The following FOXP2 variants were observed in gnomAD, a reference collection of about 807,000 sequenced individuals.
The protein encoded by FOXP2 is forkhead box protein P2.
Under a neutral mutation model 115.8 loss-of-function variants are expected in FOXP2, and 12 were observed. That is an observed-to-expected ratio of 0.10 (90% confidence interval 0.07 to 0.17). The LOEUF (loss-of-function observed/expected upper bound fraction) is 0.17, where lower values mean the gene tolerates loss of function less well. Ranked by LOEUF, FOXP2 falls within the 10% of genes least tolerant of loss-of-function variation. FOXP2 has a pLI of 1.00. For missense variants in FOXP2, 629 were observed against 843.5 expected (o/e 0.75, Z 3.15); for synonymous variants, 328 against 297.7 (o/e 1.10, Z -1.05).
At chr7:114,240,703 A>C (rs191036223) in intron 1 of FOXP2, among the ~76,000 whole-genome samples, 29 of 152,126 alleles carry the variant, frequency 1.9e-4, no homozygotes, top group Admixed American at 1.7e-3. Flanking sequence ...ATTTTCAAAA[A>C]AAAACCCTAT....
chr7:114,369,144 T>A (rs1169579916), intron 2 of FOXP2, among the ~76,000 whole-genome samples: 3 of 152,096 alleles, frequency 2.0e-5, no homozygotes, highest in Non-Finnish European at 4.4e-5. Flanking sequence ...CTTCACAATA[T>A]AGCAATAAGT....
At chr7:114,539,682 G>T (rs1344975950) in intron 3 of FOXP2, among the ~76,000 whole-genome samples, 1 of 151,966 alleles carries the variant, frequency 6.6e-6, no homozygotes. Flanking sequence ...AAATTTAAAA[G>T]AATGTTATAG....
intron 2 of FOXP2, among the ~76,000 whole-genome samples, chr7:114,308,259 G>A (rs181706661): frequency 1.8e-4 from 28 of 152,150 alleles, no homozygotes; most frequent in African/African-American, 6.7e-4. Flanking sequence ...CACTGGGGGG[G>A]ACTCAGTGAA....
chr7:114,177,857 T>C (rs1311176592), intron 1 of FOXP2, among the ~76,000 whole-genome samples: 3 of 151,976 alleles, frequency 2.0e-5, no homozygotes, highest in African/African-American at 4.8e-5. Context: ...ATACAATATA[T>C]TGTTATTTAT....
At chr7:114,231,550 C>T (rs1794875783) in intron 1 of FOXP2, among the ~76,000 whole-genome samples, 2 of 152,168 alleles carry the variant, frequency 1.3e-5, no homozygotes, top group South Asian at 4.1e-4. Context: ...ATAGAAACCC[C>T]AGAAATAAAA....
rs76802780 is a variant in FOXP2 at position 114,604,077 on chromosome 7, C to T, written c.259-24463C>T. Among the ~76,000 whole-genome samples the T allele has an allele frequency of 2.2e-3, 339 of 152,224 alleles. 5 individuals are homozygous for T. The East Asian group carries it at 0.057, about 26-fold the overall frequency. On this transcript the variant is annotated intron_variant, in intron 3 of 16. Transcript: ENST00000350908. ...GGGCTGCCTTAACAAATTACCATAACGTGAGTGGCTTAAACAACAGACATT... is the reference window on the plus strand; with the variant it reads ...GGGCTGCCTTAACAAATTACCATAATGTGAGTGGCTTAAACAACAGACATT...
chr7:114,436,751 G>A (rs532895194), intron 2 of FOXP2, among the ~76,000 whole-genome samples: 43 of 151,910 alleles, frequency 2.8e-4, no homozygotes, highest in Non-Finnish European at 4.9e-4. Flanking sequence ...ACGTTACTTT[G>A]AGAGATACAA....
intron 3 of FOXP2, 36 bp from the exon 4 acceptor site, chr7:114,628,504 C>T (rs957216883): frequency 1.5e-5 from 24 of 1,612,986 alleles, no homozygotes; most frequent in Non-Finnish European, 1.9e-5. Flanking sequence ...TTGGTTATGA[C>T]CACGAATTTT....
intron 2 of FOXP2, among the ~76,000 whole-genome samples, chr7:114,471,586 C>T (rs1333765036): frequency 6.6e-6 from 1 of 152,142 alleles, no homozygotes; most frequent in African/African-American, 2.4e-5. Context: ...TGCTCCTTTT[C>T]ATTTCCCATT....
chr7:114,280,723 A>G (rs1796314617), intron 1 of FOXP2, among the ~76,000 whole-genome samples: 2 of 152,152 alleles, frequency 1.3e-5, no homozygotes, highest in Admixed American at 6.5e-5. Context: ...GAATATAATA[A>G]TTATTCTTTT....
intron 2 of FOXP2, among the ~76,000 whole-genome samples, chr7:114,391,047 C>T (rs1354701647): frequency 2.0e-5 from 3 of 152,016 alleles, no homozygotes; most frequent in Non-Finnish European, 2.9e-5. Context: ...ATTAGCTGGG[C>T]GTGGTGGCAG....
intron 2 of FOXP2, among the ~76,000 whole-genome samples, chr7:114,392,430 G>A (rs907643667): frequency 2.0e-5 from 3 of 152,196 alleles, no homozygotes; most frequent in Admixed American, 1.3e-4. Context: ...GAGTAAATGG[G>A]TCATGGTGCA....
intron 1 of FOXP2, among the ~76,000 whole-genome samples, chr7:114,127,708 A>G (rs1209124256): frequency 2.6e-5 from 4 of 152,192 alleles, no homozygotes; most frequent in African/African-American, 9.6e-5. Context: ...CTTTGCTTTC[A>G]TAAACTGCAT....
At chr7:114,095,147 G>C (rs1320765557) in intron 1 of FOXP2, among the ~76,000 whole-genome samples, 2 of 152,304 alleles carry the variant, frequency 1.3e-5, no homozygotes, top group South Asian at 2.1e-4. Flanking sequence ...AGTAATCCAT[G>C]TTGAGTGCTG....
At chr7:114,475,946 T>C (rs751709178) in intron 2 of FOXP2, among the ~76,000 whole-genome samples, 1 of 151,964 alleles carries the variant, frequency 6.6e-6, no homozygotes. Flanking sequence ...CACACAACCA[T>C]GTAACAAACA....
rs1294048735 is a variant in FOXP2, at chr7:114,664,420, T to A, written c.1987T>A (p.Ser663Thr). Reference sequence around the variant, plus strand: ...CAATGGAAACAGTAGTCCGGGCTGCTCACCTCAGCCGCACATGTAAGTGTG... The same window carrying A: ...CAATGGAAACAGTAGTCCGGGCTGCACACCTCAGCCGCACATGTAAGTGTG... The part of the protein sequence containing the change: ...DSNGNSSPGC[S>T]PQPHIHSIHV... Residue 663 changes from serine (S) to threonine (T), a missense_variant, in exon 16 of 17, where the codon TCA becomes ACA. This residue lies in a region of FOXP2 where 117 missense variants were observed against 112.3 expected (regional missense o/e 1.04). Transcript: ENST00000350908. 6.2e-7 allele frequency: 1 copy of A among 1,613,474 alleles called. No individual in the cohort carries two copies. Among genetic ancestry groups the A allele is most frequent in the Non-Finnish European group, 8.5e-7 (1 of 1,179,628 alleles).
chr7:114,508,860 G>A (rs1304526289), intron 2 of FOXP2, among the ~76,000 whole-genome samples: 1 of 152,050 alleles, frequency 6.6e-6, no homozygotes, highest in African/African-American at 2.4e-5. Flanking sequence ...AATGAATATA[G>A]CAAATATTAA....
intron 8 of FOXP2, among the ~76,000 whole-genome samples, chr7:114,647,234 A>G (rs1328456707): frequency 1.3e-5 from 2 of 151,912 alleles, no homozygotes; most frequent in Non-Finnish European, 2.9e-5. Context: ...TAGAAAATAT[A>G]TTGAGTCCCA....
intron 1 of FOXP2, among the ~76,000 whole-genome samples, chr7:114,101,888 G>A (rs560982818): frequency 1.8e-4 from 25 of 137,766 alleles, no homozygotes; most frequent in African/African-American, 6.3e-4. Flanking sequence ...TTTCCATTTC[G>A]CTTCAACATT....
Sources: gnomAD v4.1 joint callset for allele counts (sites outside exome capture counted in the v4.1 genomes callset) on GRCh38, gnomAD v4.1.1 for gene constraint, gnomAD v4.1.1 regional missense constraint, MANE v1.5 for transcripts, NCBI Gene and HGNC (gene_info 2026-07-23, HGNC 2026-07-21) for gene names.